The following REV1 variants were observed in gnomAD, a reference collection of about 807,000 sequenced individuals.
The protein encoded by REV1 is REV1 DNA directed polymerase, also known as translesion synthesis protein REV1.
Under a neutral mutation model 137.4 loss-of-function variants are expected in REV1, and 42 were observed. The ratio of observed to expected loss-of-function variants is 0.31; its 90% CI spans 0.24 to 0.40. The LOEUF is 0.40. REV1 is among the 10% of genes least tolerant of loss of function. The pLI is 1.00. For synonymous variants in REV1, 524 were observed against 519.2 expected (o/e 1.01, Z -0.12); for missense variants, 1,282 against 1,490.1 (o/e 0.86, Z 2.30).
chr2:99,484,686 T>A (rs1686963644), intron 1 of REV1, among the ~76,000 whole-genome samples: 1 of 151,454 alleles, frequency 6.6e-6, no homozygotes. Flanking sequence ...TAGTAGTAGT[T>A]AAATCTAAAA....
intron 1 of REV1, among the ~76,000 whole-genome samples, chr2:99,476,211 T>TC (rs1436536169): frequency 2.6e-5 from 4 of 151,984 alleles, no homozygotes; most frequent in Admixed American, 2.0e-4. Flanking sequence ...TCCTTTCTTT[T>TC]CCCCCCCTTC....
At chr2:99,436,040 C>G in intron 6 of REV1, 99 bp from the exon 7 acceptor site, 1 of 732,796 alleles carries the variant, frequency 1.4e-6, no homozygotes, top group Non-Finnish European at 2.4e-6. Flanking sequence ...AACATGCTTA[C>G]ACCCAGAATG....
chr2:99,418,760 T>C, intron 12 of REV1, 68 bp downstream of exon 12: 1 of 1,445,112 alleles, frequency 6.9e-7, no homozygotes. Context: ...CTCACAGTTC[T>C]ATATTATAGA....
At chr2:99,420,243 G>A (rs1360227009) in intron 11 of REV1, among the ~76,000 whole-genome samples, 1 of 152,186 alleles carries the variant, frequency 6.6e-6, no homozygotes, top group Non-Finnish European at 1.5e-5. Flanking sequence ...GTATCTCGCA[G>A]TGTTTTGAAA....
At position 99,405,931 on chromosome 2, in the gene REV1, T is replaced by C. The variant is rs371690018; in HGVS notation, c.2790A>G (p.Ile930Met). The C allele has an allele frequency of 3.1e-6, 5 of 1,592,840 alleles. No individual in the cohort carries two copies. Among genetic ancestry groups the C allele is most frequent in the Non-Finnish European group, 4.3e-6 (5 of 1,169,978 alleles). The change falls in exon 17 of 23, where the codon ATA becomes ATG. Residue 930 changes from isoleucine (I) to methionine (M), a missense_variant. Ile to Met is a conservative substitution (Grantham distance 10). Transcript: ENST00000258428. The stretch of plus-strand genomic sequence containing the variant: ...GTACCTGGGAAGGTGACGGGACCTC[T>C]ATACTCAGGTTAAGTCTCGACTGCA... ...VSVQSRLNLS[I>M]EVPSPSQLDQ...
intron 1 of REV1, among the ~76,000 whole-genome samples, chr2:99,487,029 G>T (rs1406155521): frequency 6.6e-6 from 1 of 152,202 alleles, no homozygotes; most frequent in African/African-American, 2.4e-5. Flanking sequence ...ATTAGAAAAG[G>T]CCTGAGGCGA....
At chr2:99,457,203 C>T (rs1319230986) in intron 3 of REV1, among the ~76,000 whole-genome samples, 1 of 152,166 alleles carries the variant, frequency 6.6e-6, no homozygotes, top group Admixed American at 6.5e-5. Context: ...TAGTTCCTAA[C>T]CCACAAGCAG....
chr2:99,430,660 T>C (rs1652040819), intron 8 of REV1, among the ~76,000 whole-genome samples: 1 of 152,150 alleles, frequency 6.6e-6, no homozygotes, highest in South Asian at 2.1e-4. Context: ...CTTACCAACA[T>C]CTCTTAATAT....
chr2:99,480,746 C>T (rs935874367), intron 1 of REV1, among the ~76,000 whole-genome samples: 2 of 152,166 alleles, frequency 1.3e-5, no homozygotes, highest in African/African-American at 4.8e-5. Context: ...CCTTTTCTCA[C>T]AAATGCTTCT....
At position 99,440,706 on chromosome 2, in the gene REV1, C is replaced by T. The variant is rs1022374105; in HGVS notation, c.504-1396G>A. Reference sequence around the variant, plus strand: ...AAGGGAGCAAGAAGTCACAGATGAGCATTTCAAAGAAATGTACAAAATGTA... The same window carrying T: ...AAGGGAGCAAGAAGTCACAGATGAGTATTTCAAAGAAATGTACAAAATGTA... On this transcript the variant is annotated intron_variant, in intron 5 of 22. Coordinates refer to ENST00000258428, the MANE Select transcript of REV1 (RefSeq NM_016316.4). Among the ~76,000 whole-genome samples, 8 of 152,152 alleles carry T rather than the reference C, an allele frequency of 5.3e-5. 1 individual carries two copies. In the South Asian group the frequency reaches 1.7e-3, roughly 32 times the overall value.
intron 3 of REV1, among the ~76,000 whole-genome samples, chr2:99,461,525 T>C (rs994813294): frequency 3.3e-5 from 5 of 152,218 alleles, no homozygotes; most frequent in Non-Finnish European, 5.9e-5. Context: ...ACCTGAAAGA[T>C]AGCAGGTATC....
intron 18 of REV1, 51 bp downstream of exon 18, chr2:99,404,392 AG>A (rs1444693710): frequency 2.8e-6 from 4 of 1,422,360 alleles, no homozygotes; most frequent in Admixed American, 1.7e-5. Context: ...AAGTTGGAGC[AG>A]GGGGGTGAGA....
intron 12 of REV1, among the ~76,000 whole-genome samples, chr2:99,416,912 CAAAAA>C (rs755184253): frequency 7.1e-4 from 55 of 77,842 alleles, no homozygotes; most frequent in Admixed American, 1.1e-3. Flanking sequence ...GACTCCATCT[CAAAAA>C]AAAAAAAAAA....
intron 3 of REV1, among the ~76,000 whole-genome samples, chr2:99,462,250 T>C (rs1684300472): frequency 6.6e-6 from 1 of 152,184 alleles, no homozygotes; most frequent in African/African-American, 2.4e-5. Flanking sequence ...TGTGTGGTAA[T>C]TTCCCGTTTT....
Position 99,429,982 on chromosome 2 carries a change from T to C in REV1, c.1439-34A>G, listed in dbSNP as rs751872214. ...ATAAAAAAAAATTAATGGTTATATG[T>C]TATAAACTGATTTTCCCTCACTTTT... On this transcript the variant is annotated intron_variant, in intron 8 of 22. Coordinates refer to ENST00000258428, the MANE Select transcript of REV1 (RefSeq NM_016316.4). The C allele has an allele frequency of 3.1e-6, 4 of 1,291,630 alleles. No homozygotes were observed. In the African/African-American group the frequency reaches 6.2e-5, roughly 20 times the overall value. 80.0% of individuals were successfully genotyped at this position (1,291,630 alleles called of 1,614,324 possible).
chr2:99,407,995 A>C (rs1287414369), intron 15 of REV1, 34 bp downstream of exon 15: 2 of 1,346,062 alleles, frequency 1.5e-6, no homozygotes, highest in Admixed American at 4.0e-5. Context: ...TACATTACAC[A>C]AAGTCAGAAT....
intron 17 of REV1, chr2:99,405,156 A>G (rs1676097255): frequency 1.2e-5 from 2 of 161,508 alleles, no homozygotes; most frequent in Admixed American, 1.3e-4. Flanking sequence ...ACACTGGAAG[A>G]AAGGGTTTCT....
chr2:99,429,722 A>AC (rs547263559), intron 9 of REV1, 118 bp downstream of exon 9: 6 of 640,110 alleles, frequency 9.4e-6, no homozygotes, highest in East Asian at 3.1e-5. Flanking sequence ...TAAGGCTAAA[A>AC]CCTCATAACA....
At chr2:99,426,072 G>A (rs1047728106) in intron 9 of REV1, among the ~76,000 whole-genome samples, 4 of 146,952 alleles carry the variant, frequency 2.7e-5, no homozygotes, top group African/African-American at 5.1e-5. Flanking sequence ...TAGTCCAGGC[G>A]CGGTGGTACA....
Sources: allele counts gnomAD v4.1 joint callset (sites outside exome capture counted in the v4.1 genomes callset), GRCh38; gene constraint gnomAD v4.1.1; transcripts MANE v1.5; gene names NCBI Gene and HGNC (gene_info 2026-07-23, HGNC 2026-07-21).